The following SAP30BP variants were observed in gnomAD, a reference collection of about 807,000 sequenced individuals.
The protein encoded by SAP30BP is SAP30-binding protein.
A neutral mutation model predicts 46.3 loss-of-function variants in SAP30BP; 31 were observed. The ratio of observed to expected loss-of-function variants is 0.67; its 90% CI spans 0.50 to 0.90. The LOEUF (loss-of-function observed/expected upper bound fraction) is 0.90. Among genes scored for constraint, SAP30BP ranks in the 40% least tolerant of loss-of-function variants. The probability of loss-of-function intolerance (pLI) is 0.00; values close to 1 mark genes in which losing one functional copy is unlikely to be tolerated. For missense variants in SAP30BP, 312 were observed against 391.0 expected (o/e 0.80, Z 1.70); for synonymous variants, 169 against 144.2 (o/e 1.17, Z -1.23).
At chr17:75,674,351 G>A (rs929245448) in intron 3 of SAP30BP, among the ~76,000 whole-genome samples, 10 of 152,042 alleles carry the variant, frequency 6.6e-5, no homozygotes, top group Non-Finnish European at 1.5e-4. Context: ...CTGGAGTGCA[G>A]TGCTGTGATC....
At chr17:75,675,715 G>C (rs2148376731) in intron 3 of SAP30BP, among the ~76,000 whole-genome samples, 1 of 152,206 alleles carries the variant, frequency 6.6e-6, no homozygotes, top group South Asian at 2.1e-4. Context: ...AGGAGTTTGA[G>C]ACCAACCTGG....
At chr17:75,678,803 C>T (rs1417158284) in intron 3 of SAP30BP, among the ~76,000 whole-genome samples, 8 of 152,210 alleles carry the variant, frequency 5.3e-5, no homozygotes, top group Admixed American at 1.3e-4. Flanking sequence ...GCCGGGGTTG[C>T]GCTCTGGTGT....
In SAP30BP at chr17:75,706,306, T is replaced by G. The variant is rs2060496593; in HGVS notation, c.746-34T>G. 6.2e-7 allele frequency: 1 copy of G among 1,601,786 alleles called. No individual in the cohort carries two copies. The highest frequency in any genetic ancestry group is 8.5e-7 in the Non-Finnish European group (1 of 1,173,994). ...AGGGAAAGAGGGCACCGCTCATTGG[T>G]GGATCGTGATCCTGATTTCTGCTTT... On this transcript the variant is annotated intron_variant, in intron 10 of 10. Transcript: ENST00000584667. The surrounding 1 kb of genome is among the most constrained non-coding windows in gnomAD (Gnocchi z 4.6).
At chr17:75,677,301 C>T (rs1162898238) in intron 3 of SAP30BP, among the ~76,000 whole-genome samples, 2 of 151,736 alleles carry the variant, frequency 1.3e-5, no homozygotes, top group Non-Finnish European at 2.9e-5. Context: ...GACAGGGTTT[C>T]ACCATATTGG....
chr17:75,676,942 G>GGGCA (rs1462689281), intron 3 of SAP30BP, among the ~76,000 whole-genome samples: 1 of 152,006 alleles, frequency 6.6e-6, no homozygotes, highest in African/African-American at 2.4e-5. Context: ...ACGGATAAGG[G>GGGCA]GGCATTGCTA....
intron 9 of SAP30BP, chr17:75,705,792 G>T: frequency 9.8e-7 from 1 of 1,022,722 alleles, no homozygotes; most frequent in East Asian, 3.3e-5. Flanking sequence ...ATGCCGGGAG[G>T]GATACAGTAC....
intron 4 of SAP30BP, among the ~76,000 whole-genome samples, chr17:75,696,561 A>AG (rs1191607701): frequency 6.6e-6 from 1 of 151,228 alleles, no homozygotes; most frequent in Non-Finnish European, 1.5e-5. Flanking sequence ...AAAAAAAAAA[A>AG]GAAAAGAAAC....
At chr17:75,674,686 GTTTGTTT>G (rs1244625840) in intron 3 of SAP30BP, among the ~76,000 whole-genome samples, 1 of 57,038 alleles carries the variant, frequency 1.8e-5, no homozygotes, top group African/African-American at 6.7e-5. Context: ...AAGTTTTTTT[GTTTGTTT>G]TTTGTTTTTT....
intron 3 of SAP30BP, chr17:75,683,435 G>T (rs1418004730): frequency 1.3e-5 from 2 of 151,976 alleles, no homozygotes; most frequent in African/African-American, 4.8e-5. Context: ...TTTTGTTCTA[G>T]TAGTGACACC....
In SAP30BP at chr17:75,679,435, C is replaced by CT. The variant is rs1406188461; in HGVS notation, c.264+7573dup. 3.3e-5 allele frequency: 5 copies of CT among 152,354 alleles called. No individual in the cohort carries two copies. The East Asian group carries it at 7.7e-4, about 23-fold the overall frequency. 9.4% of individuals were successfully genotyped at this position (152,354 alleles called of 1,614,324 possible). A position where few individuals can be genotyped will look rare whatever the true frequency, so the allele number is the denominator to read the frequency against. ...ATACATAAGCAAAGTTGAGTATTCT[C>CT]TAACTTTGTTATCTGATGACTTTAA... On this transcript the variant is annotated intron_variant, in intron 3 of 10. Coordinates refer to ENST00000584667, the MANE Select transcript of SAP30BP (RefSeq NM_013260.8).
At position 75,671,871 on chromosome 17, in the gene SAP30BP, G is replaced by T. The variant is rs766395153; in HGVS notation, c.264+8G>T. On this transcript the variant is annotated splice_region_variant and intron_variant, in intron 3 of 10. Coordinates refer to ENST00000584667, the MANE Select transcript of SAP30BP (RefSeq NM_013260.8). ...GAGGCTGATGACCCAAAGGTATTTG[G>T]TGTTGGCTGTGGTGGGTGGCTGGAT... The T allele has an allele frequency of 1.2e-6, 2 of 1,612,244 alleles. No individual in the cohort carries two copies. Among genetic ancestry groups the T allele is most frequent in the Non-Finnish European group, 1.7e-6 (2 of 1,178,284 alleles).
intron 6 of SAP30BP, chr17:75,703,032 CT>C: frequency 4.1e-6 from 2 of 489,452 alleles, no homozygotes; most frequent in East Asian, 6.6e-5. Context: ...GAGCATGGCC[CT>C]TGTGTGGGTC....
intron 5 of SAP30BP, chr17:75,700,247 C>G (rs565123311): frequency 3.3e-4 from 53 of 159,490 alleles, no homozygotes; most frequent in Non-Finnish European, 6.4e-4. Context: ...AAATAAATTA[C>G]AGAAATGAAA....
chr17:75,705,816 CTTT>C, intron 9 of SAP30BP, 189 bp from the exon 10 acceptor site: 1 of 1,072,120 alleles, frequency 9.3e-7, no homozygotes, highest in Non-Finnish European at 1.3e-6. Context: ...TTGGAAAGTT[CTTT>C]TAAGAGTGAA....
intron 4 of SAP30BP, among the ~76,000 whole-genome samples, chr17:75,698,269 C>T (rs1394751885): frequency 2.0e-5 from 3 of 152,194 alleles, no homozygotes; most frequent in African/African-American, 7.2e-5. Flanking sequence ...GCCTTTTGTT[C>T]TCAGGAATGA....
At chr17:75,698,742 A>C (rs971394511) in intron 4 of SAP30BP, among the ~76,000 whole-genome samples, 3 of 152,170 alleles carry the variant, frequency 2.0e-5, no homozygotes, top group African/African-American at 7.2e-5. Flanking sequence ...GAGTTCAGTG[A>C]CTTCACCTTG....
chr17:75,682,409 T>C (rs565237568), intron 3 of SAP30BP, among the ~76,000 whole-genome samples: 2 of 152,186 alleles, frequency 1.3e-5, no homozygotes, highest in African/African-American at 4.8e-5. Context: ...GGTCTTGAAC[T>C]CCTGACCTCA....
At chr17:75,674,908 G>T (rs1187532295) in intron 3 of SAP30BP, among the ~76,000 whole-genome samples, 5 of 151,290 alleles carry the variant, frequency 3.3e-5, no homozygotes, top group Non-Finnish European at 5.9e-5. Context: ...TTGCCATATT[G>T]CCCCGGCTGG....
intron 2 of SAP30BP, among the ~76,000 whole-genome samples, chr17:75,671,026 T>G (rs2059899784): frequency 6.6e-6 from 1 of 152,252 alleles, no homozygotes; most frequent in Admixed American, 6.5e-5. Flanking sequence ...ATCTTTGACC[T>G]TCATAGCATC....
Sources: allele counts gnomAD v4.1 joint callset (sites outside exome capture counted in the v4.1 genomes callset), GRCh38; gene constraint gnomAD v4.1.1; non-coding constraint Gnocchi (gnomAD v3.1); transcripts MANE v1.5; gene names NCBI Gene and HGNC (gene_info 2026-07-23, HGNC 2026-07-21).